CDH12: variants seen among roughly 807,000 people sequenced by gnomAD.
The protein encoded by CDH12 is cadherin-12.
Under a neutral mutation model 74.1 loss-of-function variants are expected in CDH12, and 41 were observed. The observed-to-expected ratio is 0.55, with a 90% CI of 0.43 to 0.72. The LOEUF is 0.72. Among genes scored for constraint, CDH12 ranks in the 30% least tolerant of loss-of-function variants. The probability of loss-of-function intolerance (pLI) is 0.00; values close to 1 mark genes in which losing one functional copy is unlikely to be tolerated. For synonymous variants in CDH12, 399 were observed against 355.0 expected, an observed-to-expected ratio of 1.12 and a Z score of -1.39; for missense variants, 945 against 977.2, an observed-to-expected ratio of 0.97 and a Z score of 0.44.
chr5:22,845,183 C>T (rs1396805955), intron 1 of CDH12, among the ~76,000 whole-genome samples: 1 of 152,108 alleles, frequency 6.6e-6, no homozygotes, highest in South Asian at 2.1e-4. Context: ...TAGAAGGACA[C>T]TCACATTGTG....
chr5:21,755,807 A>G lies in CDH12; in HGVS notation c.1669T>C (p.Tyr557His). ...TAGIETRRNG[Y>H]SRRQQELYFL... ...TACAACTCTTGCTGCCTGCGGCTGT[A>G]TCCATTTCTTCGGGTTTCAATCCCC... Residue 557 changes from tyrosine (Y) to histidine (H), a missense_variant, in exon 14 of 15, where the codon TAC (tyrosine) becomes CAC (histidine). Tyr to His is a moderately conservative substitution (Grantham distance 83, BLOSUM62 2). Coordinates refer to ENST00000382254, the MANE Select transcript of CDH12 (RefSeq NM_004061.5). 2 of 1,614,096 alleles carry G rather than the reference A, an allele frequency of 1.2e-6. No individual in the cohort carries two copies. The highest frequency in any genetic ancestry group is 1.7e-6 in the Non-Finnish European group (2 of 1,179,964).
At chr5:22,585,436 C>CT in intron 1 of CDH12, among the ~76,000 whole-genome samples, 1 of 152,224 alleles carries the variant, frequency 6.6e-6, no homozygotes, top group East Asian at 1.9e-4. Flanking sequence ...GGATCTGTAT[C>CT]TTTAAACACT....
intron 3 of CDH12, among the ~76,000 whole-genome samples, chr5:22,330,325 C>A (rs915096274): frequency 7.2e-5 from 11 of 151,982 alleles, no homozygotes; most frequent in African/African-American, 2.7e-4. Context: ...ACTAAAGAAC[C>A]CTTGGGCCCT....
intron 1 of CDH12, among the ~76,000 whole-genome samples, chr5:22,534,780 T>C (rs1416307061): frequency 6.7e-6 from 1 of 150,054 alleles, no homozygotes; most frequent in Middle Eastern, 3.2e-3. Context: ...ATTGCTGTTT[T>C]AAGATTCAAA....
intron 1 of CDH12, among the ~76,000 whole-genome samples, chr5:22,825,001 G>C (rs542655817): frequency 6.6e-6 from 1 of 151,916 alleles, no homozygotes; most frequent in Non-Finnish European, 1.5e-5. Flanking sequence ...AAAAAGGCTT[G>C]TGAGAAAAAC....
At chr5:22,460,999 G>A (rs1465430636) in intron 2 of CDH12, among the ~76,000 whole-genome samples, 1 of 146,928 alleles carries the variant, frequency 6.8e-6, no homozygotes, top group Non-Finnish European at 1.5e-5. Context: ...GGGATTACAG[G>A]TGTGAGCCAC....
chr5:22,686,923 C>T (rs1741829966), intron 1 of CDH12, among the ~76,000 whole-genome samples: 1 of 146,510 alleles, frequency 6.8e-6, no homozygotes, highest in Non-Finnish European at 1.5e-5. Context: ...TTCCTTATCC[C>T]TCTGCCTCAA....
At chr5:22,269,033 A>T (rs957295647) in intron 3 of CDH12, among the ~76,000 whole-genome samples, 18 of 152,192 alleles carry the variant, frequency 1.2e-4, no homozygotes, top group Admixed American at 9.8e-4. Context: ...ACCTGGACAA[A>T]TTTGCTCATC....
chr5:21,838,259 C>T (rs1217147581), intron 8 of CDH12, among the ~76,000 whole-genome samples: 1 of 152,068 alleles, frequency 6.6e-6, no homozygotes, highest in Non-Finnish European at 1.5e-5. Flanking sequence ...TATGTAAATG[C>T]TTTAAAAGTT....
chr5:21,883,879 C>CT, intron 6 of CDH12: 1 of 1,606,306 alleles, frequency 6.2e-7, no homozygotes, highest in Non-Finnish European at 8.5e-7. Context: ...GCTACAAGAG[C>CT]TGCTGTTGAA....
At chr5:22,603,807 T>C (rs1451362249) in intron 1 of CDH12, among the ~76,000 whole-genome samples, 1 of 152,180 alleles carries the variant, frequency 6.6e-6, no homozygotes, top group South Asian at 2.1e-4. Context: ...TGAACCATTA[T>C]AGATATTAGG....
At chr5:22,341,390 A>G (rs1458582032) in intron 3 of CDH12, among the ~76,000 whole-genome samples, 1 of 152,208 alleles carries the variant, frequency 6.6e-6, no homozygotes, top group Non-Finnish European at 1.5e-5. Context: ...GTTACAGAAA[A>G]GATACACAGG....
intron 1 of CDH12, among the ~76,000 whole-genome samples, chr5:22,768,629 TTACTC>T (rs1297198737): frequency 7.2e-5 from 11 of 152,084 alleles, no homozygotes; most frequent in Admixed American, 2.0e-4. Flanking sequence ...ATTCAGTTCT[TTACTC>T]TATCATCATC....
At chr5:22,242,425 T>C (rs971506415) in intron 3 of CDH12, among the ~76,000 whole-genome samples, 1 of 152,218 alleles carries the variant, frequency 6.6e-6, no homozygotes, top group African/African-American at 2.4e-5. Flanking sequence ...GCAGGAATAA[T>C]AAATTTCAGA....
intron 2 of CDH12, among the ~76,000 whole-genome samples, chr5:22,432,562 C>CGTGT (rs138983932): frequency 1.4e-3 from 206 of 149,356 alleles, no homozygotes; most frequent in Middle Eastern, 0.01. Flanking sequence ...TGTGTGTGTG[C>CGTGT]GTGTGTGTGT....
At chr5:21,786,607 A>G (rs765282296) in intron 10 of CDH12, among the ~76,000 whole-genome samples, 17 of 152,184 alleles carry the variant, frequency 1.1e-4, no homozygotes, top group Non-Finnish European at 1.9e-4. Flanking sequence ...ATGACTGCCA[A>G]CAGAACATCC....
At chr5:22,432,134 TA>T (rs1161277704) in intron 2 of CDH12, among the ~76,000 whole-genome samples, 1 of 152,172 alleles carries the variant, frequency 6.6e-6, no homozygotes, top group Non-Finnish European at 1.5e-5. Flanking sequence ...TACTATTTTT[TA>T]TATTTTATAT....
In CDH12 at chr5:21,884,241, A is replaced by G. The variant is rs1475758256; in HGVS notation, c.527-29451T>C. ...AGAAGTTGTAGTCACAGAAATTCCT[A>G]AAGAAGAGAAGGACCCTGGAATGGG... is the stretch of plus-strand genomic sequence containing the variant. On this transcript the variant is annotated intron_variant, in intron 6 of 14. Transcript: ENST00000382254. 9.0e-5 allele frequency: 136 copies of G among 1,518,658 alleles called. 2 individuals carry two copies. Among genetic ancestry groups the G allele is most frequent in the Non-Finnish European group, 1.1e-4 (124 of 1,093,152 alleles). 94.1% of individuals were successfully genotyped at this position (1,518,658 alleles called of 1,614,324 possible).
chr5:22,178,113 G>C (rs1561193053), intron 4 of CDH12, among the ~76,000 whole-genome samples: 1 of 152,128 alleles, frequency 6.6e-6, no homozygotes, highest in Non-Finnish European at 1.5e-5. Context: ...TTCCTAAATA[G>C]TCAAGGCTAC....
Sources: allele counts gnomAD v4.1 joint callset (sites outside exome capture counted in the v4.1 genomes callset), GRCh38; gene constraint gnomAD v4.1.1; transcripts MANE v1.5; gene names NCBI Gene and HGNC (gene_info 2026-07-23, HGNC 2026-07-21).